Variants in PRELID2 observed in about 807,000 individuals in gnomAD.
The protein encoded by PRELID2 is PRELI domain containing 2, also known as PRELI domain-containing protein 2.
Under a neutral mutation model 28.4 loss-of-function variants are expected in PRELID2, and 25 were observed. The observed-to-expected ratio is 0.88, with a 90% CI of 0.64 to 1.23. The LOEUF is 1.23. Among genes scored for constraint, PRELID2 ranks in the 50% most tolerant of loss-of-function variants. The probability of loss-of-function intolerance (pLI) is 0.00; values close to 1 mark genes in which losing one functional copy is unlikely to be tolerated. For synonymous variants in PRELID2, 76 were observed against 71.6 expected (o/e 1.06, Z -0.31); for missense variants, 201 against 214.4 (o/e 0.94, Z 0.39).
rs1438091758 is a variant in PRELID2, at chr5:145,835,263, G to A, written c.-12C>T. 1.9e-6 allele frequency: 3 copies of A among 1,541,244 alleles called. No individual in the cohort carries two copies. Among genetic ancestry groups the A allele is most frequent in the Non-Finnish European group, 1.8e-6 (2 of 1,140,664 alleles). Reference sequence around the variant, plus strand: ...ACCGAGACCCCCATCCCCGCGCGCCGCGGGCCCCGCGCACCGGCCACGCCT... The same window carrying A: ...ACCGAGACCCCCATCCCCGCGCGCCACGGGCCCCGCGCACCGGCCACGCCT... On this transcript the variant is annotated 5_prime_UTR_variant, in exon 1 of 7. Transcript: ENST00000683046.
chr5:145,832,485 G>A lies in PRELID2; in HGVS notation c.75+2692C>T, dbSNP rs138406222. Among the ~76,000 whole-genome samples the A allele has an allele frequency of 8.1e-3, 1,231 of 152,078 alleles. 9 individuals carry two copies. Among genetic ancestry groups the A allele is most frequent in the Middle Eastern group, 0.075 (22 of 294 alleles). ...CAGGAGTGAGCTGCCGTGCCCAGCC[G>A]GCAAAGTTGATTCTGAAACCCTGTA... is the stretch of plus-strand genomic sequence containing the variant. On this transcript the variant is annotated intron_variant, in intron 1 of 6. Transcript: ENST00000683046.
At position 145,481,814 on chromosome 5, in the gene PRELID2, A is replaced by G. The variant is rs188631035; in HGVS notation, n.71-8499T>C. On this transcript the variant is annotated intron_variant and non_coding_transcript_variant, in intron 1 of 2. Transcript: ENST00000510259. ...AATACTGTCTAGGAAAGGTTTAACT[A>G]TTCTAAATTGTATAGCACAGTATTT... Among the ~76,000 whole-genome samples the G allele has an allele frequency of 2.6e-4, 40 of 152,278 alleles. No homozygotes were observed. In the Middle Eastern group the frequency reaches 0.014, roughly 52 times the overall value.
chr5:145,609,763 C>T (rs187675423), intron 1 of PRELID2, among the ~76,000 whole-genome samples: 134 of 152,326 alleles, frequency 8.8e-4, no homozygotes, highest in African/African-American at 3.2e-3. Flanking sequence ...GGAACTCTAG[C>T]GGGCATTTCC....
rs1183723555 is a variant in PRELID2, at chr5:145,741,647, TATAA to T, written n.70+23280_70+23283del. Among the ~76,000 whole-genome samples the T allele has an allele frequency of 3.6e-4, 7 of 19,714 alleles. 1 individual carries two copies. Among genetic ancestry groups the T allele is most frequent in the Admixed American group, 8.8e-4 (1 of 1,140 alleles). The allele number at this position is 19,714 out of a possible 152,430, so 12.9% of individuals were successfully genotyped here. On this transcript the variant is annotated intron_variant and non_coding_transcript_variant, in intron 1 of 2. Coordinates refer to the PRELID2 transcript ENST00000510259. ...ATAATTTATTTATAATTTATTTATA[TATAA>T]ATAATTTATTTATATATAAATAATT... is the stretch of plus-strand genomic sequence containing the variant.
At chr5:145,647,633 C>T (rs923116335) in intron 1 of PRELID2, among the ~76,000 whole-genome samples, 9 of 152,182 alleles carry the variant, frequency 5.9e-5, no homozygotes, top group African/African-American at 2.2e-4. Context: ...AAATGGCTGC[C>T]CAGTTTTGTG....
chr5:145,813,166 C>T (rs1754066101), intron 4 of PRELID2, among the ~76,000 whole-genome samples: 2 of 152,328 alleles, frequency 1.3e-5, no homozygotes, highest in Admixed American at 6.5e-5. Flanking sequence ...TCTAATTTTA[C>T]ACTTAGTAGC....
the PRELID2 span, among the ~76,000 whole-genome samples, chr5:145,396,757 G>A: frequency 1.3e-5 from 2 of 152,086 alleles, no homozygotes; most frequent in East Asian, 3.9e-4. Flanking sequence ...AAGAATAAAT[G>A]CTATGGAAGC....
chr5:145,259,607 C>T, the PRELID2 span, among the ~76,000 whole-genome samples: 1 of 152,168 alleles, frequency 6.6e-6, no homozygotes, highest in Non-Finnish European at 1.5e-5. Flanking sequence ...TTTCTTTTGC[C>T]TATTTTTTTC....
chr5:145,568,757 A>G (rs544546858), intron 1 of PRELID2, among the ~76,000 whole-genome samples: 1 of 152,334 alleles, frequency 6.6e-6, no homozygotes, highest in African/African-American at 2.4e-5. Context: ...GCTTTTATTT[A>G]TGAATAACTT....
At chr5:145,452,699 A>G in the PRELID2 span, among the ~76,000 whole-genome samples, 1 of 152,132 alleles carries the variant, frequency 6.6e-6, no homozygotes, top group South Asian at 2.1e-4. Context: ...CATAGTTCTT[A>G]GCCCATGGTA....
the PRELID2 span, among the ~76,000 whole-genome samples, chr5:145,244,363 G>T: frequency 1.3e-5 from 2 of 152,044 alleles, no homozygotes; most frequent in Non-Finnish European, 2.9e-5. Context: ...CTCCCTGTCT[G>T]CTACCCTATT....
At chr5:145,313,904 A>C in the PRELID2 span, among the ~76,000 whole-genome samples, 1 of 152,218 alleles carries the variant, frequency 6.6e-6, no homozygotes, top group African/African-American at 2.4e-5. Flanking sequence ...CCTATTTTTA[A>C]GCAGAGAAAA....
intron 1 of PRELID2, among the ~76,000 whole-genome samples, chr5:145,510,125 C>A (rs1752448708): frequency 6.6e-6 from 1 of 152,152 alleles, no homozygotes; most frequent in Non-Finnish European, 1.5e-5. Context: ...AAATGCTCTA[C>A]ATAAAATAGC....
the PRELID2 span, among the ~76,000 whole-genome samples, chr5:145,346,303 A>G: frequency 6.6e-6 from 1 of 152,274 alleles, no homozygotes; most frequent in East Asian, 1.9e-4. Context: ...AATTGCAGTC[A>G]GCATTTGGTG....
chr5:145,785,713 C>G (rs1227973567), intron 5 of PRELID2, among the ~76,000 whole-genome samples: 4 of 152,202 alleles, frequency 2.6e-5, no homozygotes, highest in African/African-American at 9.7e-5. Flanking sequence ...CTGTCATTAA[C>G]TCAATGAATG....
chr5:145,521,625 T>G (rs1752563658), intron 1 of PRELID2, among the ~76,000 whole-genome samples: 1 of 152,094 alleles, frequency 6.6e-6, no homozygotes, highest in Non-Finnish European at 1.5e-5. Context: ...AGGACCAAGG[T>G]TGCCAGATCT....
chr5:145,509,001 A>G (rs1580962631), intron 1 of PRELID2, among the ~76,000 whole-genome samples: 2 of 152,132 alleles, frequency 1.3e-5, no homozygotes, highest in African/African-American at 4.8e-5. Context: ...TCTGTAAAAA[A>G]CTGAAATGAG....
At chr5:145,244,600 T>A in the PRELID2 span, among the ~76,000 whole-genome samples, 1 of 152,056 alleles carries the variant, frequency 6.6e-6, no homozygotes. Context: ...GGGACTCAAG[T>A]ATTTTCTACA....
chr5:145,281,612 T>G, the PRELID2 span, among the ~76,000 whole-genome samples: 32 of 152,348 alleles, frequency 2.1e-4, no homozygotes, highest in East Asian at 4.6e-3. Flanking sequence ...ATGGATTATG[T>G]GGACCCATGA....
Sources: gnomAD v4.1 joint callset for allele counts (sites outside exome capture counted in the v4.1 genomes callset) on GRCh38, gnomAD v4.1.1 for gene constraint, MANE v1.5 for transcripts, NCBI Gene and HGNC (gene_info 2026-07-23, HGNC 2026-07-21) for gene names.